Variants in CASD1 observed in about 807,000 individuals in gnomAD.
CASD1 encodes the protein N-acetylneuraminate (7)9-O-acetyltransferase.
In CASD1, 41 loss-of-function variants were observed where a neutral mutation model predicts 100.0. The ratio of observed to expected loss-of-function variants is 0.41; its 90% CI spans 0.32 to 0.53. CASD1 has a LOEUF of 0.53. CASD1 is among the 20% of genes least tolerant of loss of function. The probability of loss-of-function intolerance (pLI) is 0.25; values close to 1 mark genes in which losing one functional copy is unlikely to be tolerated. For synonymous variants in CASD1, 321 were observed against 315.6 expected, an observed-to-expected ratio of 1.02 and a Z score of -0.18; for missense variants, 774 against 948.7, an observed-to-expected ratio of 0.82 and a Z score of 2.42.
the CASD1 span, chr7:94,624,162 C>CAAA: frequency 4.0e-5 from 14 of 351,680 alleles, no homozygotes; most frequent in South Asian, 3.0e-4. Context: ...TGCAGTACCT[C>CAAA]AAAAAAAAAA....
chr7:94,559,314 G>GTA, downstream of CASD1, among the ~76,000 whole-genome samples: 2 of 137,498 alleles, frequency 1.5e-5, no homozygotes, highest in Non-Finnish European at 3.2e-5. Context: ...GTATGTGTGT[G>GTA]TGTGTGTGTG....
In CASD1 at chr7:94,537,657, G is replaced by A. The variant is rs766128729; in HGVS notation, c.1029G>A (p.Pro343=). 23 of 1,613,526 alleles carry A rather than the reference G, an allele frequency of 1.4e-5. No individual in the cohort carries two copies. The highest frequency in any genetic ancestry group is 6.7e-5 in the African/African-American group (5 of 74,866). Residue 343 remains proline, a synonymous_variant, in exon 9 of 18, where the codon CCG becomes CCA. Transcript: ENST00000297273. ...IHRNAHRKNK[P]CTDLESGEEK... is the part of the protein sequence containing the mutation. ...GTAATGCTCATCGGAAGAATAAGCC[G>A]TGTACTGATTTGGAAAGTGGAGAGG...
At chr7:94,574,068 A>G in the CASD1 span, among the ~76,000 whole-genome samples, 10 of 152,328 alleles carry the variant, frequency 6.6e-5, 1 homozygote, top group South Asian at 2.1e-3. Context: ...TTTGAATCCC[A>G]GGATGAAACC....
At chr7:94,551,247 C>T in intron 14 of CASD1, 91 bp from the exon 15 acceptor site, 1 of 1,030,086 alleles carries the variant, frequency 9.7e-7, no homozygotes, top group South Asian at 1.8e-5. Flanking sequence ...AACCTACCTA[C>T]TTTTATTCAT....
Position 94,533,699 on chromosome 7 carries a change from T to C in CASD1, c.525T>C (p.Asn175=). The C allele has an allele frequency of 6.2e-7, 1 of 1,601,442 alleles. No individual in the cohort carries two copies. Among genetic ancestry groups the C allele is most frequent in the Non-Finnish European group, 8.5e-7 (1 of 1,174,498 alleles). Reference sequence around the variant, plus strand: ...TTTAGTGGTCCATCAAGATTCACAATGGTAGCAGTGAAGCGCTTTCTCAAT... The same window carrying C: ...TTTAGTGGTCCATCAAGATTCACAACGGTAGCAGTGAAGCGCTTTCTCAAT... The part of the protein sequence containing the change: ...GAATWSIKIH[N]GSSEALSQYK... Residue 175 remains asparagine, a synonymous_variant, in exon 7 of 18, where the codon AAT becomes AAC. Coordinates refer to ENST00000297273, the MANE Select transcript of CASD1 (RefSeq NM_022900.5).
At chr7:94,628,412 G>T in the CASD1 span, 1 of 1,456,794 alleles carries the variant, frequency 6.9e-7, no homozygotes, top group East Asian at 2.3e-5. Flanking sequence ...CACACATGTT[G>T]CTTTGGTAGT....
chr7:94,618,812 G>A, the CASD1 span: 2 of 1,614,052 alleles, frequency 1.2e-6, no homozygotes, highest in East Asian at 2.2e-5. Context: ...GTCTAGGGCC[G>A]ATGTGATGTT....
the CASD1 span, chr7:94,587,580 G>A: frequency 7.3e-7 from 1 of 1,372,082 alleles, no homozygotes. Context: ...CTCTCTTTAG[G>A]TGACTCATTT....
At chr7:94,592,002 C>A in the CASD1 span, among the ~76,000 whole-genome samples, 1 of 152,034 alleles carries the variant, frequency 6.6e-6, no homozygotes, top group Admixed American at 6.6e-5. Flanking sequence ...TGCTTGTGTG[C>A]GCAAAAAGGT....
the CASD1 span, among the ~76,000 whole-genome samples, chr7:94,570,798 G>T: frequency 6.6e-6 from 1 of 152,128 alleles, no homozygotes; most frequent in South Asian, 2.1e-4. Context: ...CCAGCCCATG[G>T]TTGTCTTTTA....
intron 6 of CASD1, 82 bp from the exon 7 acceptor site, chr7:94,533,594 TAAC>T (rs1008960874): frequency 6.2e-6 from 6 of 972,186 alleles, no homozygotes; most frequent in African/African-American, 3.4e-5. Context: ...TCTAAAATAA[TAAC>T]ACTTGTTACA....
chr7:94,591,874 T>G, the CASD1 span, among the ~76,000 whole-genome samples: 2 of 152,170 alleles, frequency 1.3e-5, no homozygotes, highest in Non-Finnish European at 2.9e-5. Context: ...ACTGTGTGTC[T>G]TATATTGATT....
intron 3 of CASD1, among the ~76,000 whole-genome samples, chr7:94,522,463 A>G (rs1794329937): frequency 6.6e-6 from 1 of 152,222 alleles, no homozygotes; most frequent in Admixed American, 6.5e-5. Context: ...AGAAATTGGC[A>G]AATTCTCACT....
intron 4 of CASD1, among the ~76,000 whole-genome samples, chr7:94,527,487 A>G (rs929566589): frequency 3.3e-5 from 5 of 152,186 alleles, no homozygotes; most frequent in African/African-American, 1.2e-4. Flanking sequence ...GAATTCAGTG[A>G]GGATCAAGAC....
the CASD1 span, among the ~76,000 whole-genome samples, chr7:94,567,538 G>A: frequency 6.6e-6 from 1 of 152,080 alleles, no homozygotes; most frequent in East Asian, 1.9e-4. Context: ...AGTGCAGTAA[G>A]GGGATTTCAG....
At chr7:94,532,225 A>G (rs1328725687) in intron 5 of CASD1, among the ~76,000 whole-genome samples, 2 of 152,190 alleles carry the variant, frequency 1.3e-5, no homozygotes, top group East Asian at 1.9e-4. Flanking sequence ...CTATACATAC[A>G]AAAGTATGAT....
At chr7:94,615,625 G>A in the CASD1 span, among the ~76,000 whole-genome samples, 2 of 152,152 alleles carry the variant, frequency 1.3e-5, no homozygotes, top group African/African-American at 4.8e-5. Flanking sequence ...AGATGGTCTA[G>A]AGAATAAAAT....
intron 3 of CASD1, among the ~76,000 whole-genome samples, chr7:94,520,338 T>G (rs77714736): frequency 0.015 from 2,212 of 152,308 alleles, 47 homozygotes; most frequent in African/African-American, 0.05. Context: ...CTGGGTAGAA[T>G]AGGAATATTG....
the CASD1 span, chr7:94,588,781 T>A: frequency 1.2e-6 from 2 of 1,611,268 alleles, no homozygotes; most frequent in South Asian, 2.2e-5. Context: ...TACACACTTG[T>A]AAACAGAGAG....
Sources: gnomAD v4.1 joint callset for allele counts (sites outside exome capture counted in the v4.1 genomes callset) on GRCh38, gnomAD v4.1.1 for gene constraint, MANE v1.5 for transcripts, NCBI Gene and HGNC (gene_info 2026-07-23, HGNC 2026-07-21) for gene names.